Variants in LARGE1 observed in about 807,000 individuals in gnomAD.
The protein encoded by LARGE1 is LARGE xylosyl- and glucuronyltransferase 1.
LARGE1 carries 43 observed loss-of-function variants against 87.6 expected under a neutral mutation model. That is an observed-to-expected ratio of 0.49 (90% CI 0.38 to 0.63). The LOEUF (loss-of-function observed/expected upper bound fraction) is 0.63. Among genes scored for constraint, LARGE1 ranks in the 30% least tolerant of loss-of-function variants. The pLI is 0.00. For synonymous variants in LARGE1, 434 were observed against 394.6 expected, an observed-to-expected ratio of 1.10 and a Z score of -1.18; for missense variants, 802 against 1,000.2, an observed-to-expected ratio of 0.80 and a Z score of 2.67.
intron 2 of LARGE1, among the ~76,000 whole-genome samples, chr22:33,662,995 T>C (rs943133164): frequency 2.0e-5 from 3 of 152,322 alleles, no homozygotes; most frequent in South Asian, 2.1e-4. Flanking sequence ...ATTAAAGTTA[T>C]ATTCCAATTC....
At chr22:33,467,313 G>C (rs2148067697) in intron 6 of LARGE1, among the ~76,000 whole-genome samples, 1 of 152,276 alleles carries the variant, frequency 6.6e-6, no homozygotes, top group South Asian at 2.1e-4. Flanking sequence ...TGGCTGATAA[G>C]GGACCCAGTG....
At chr22:33,124,168 T>C in the LARGE1 span, among the ~76,000 whole-genome samples, 1 of 151,998 alleles carries the variant, frequency 6.6e-6, no homozygotes, top group African/African-American at 2.4e-5. Context: ...GTGCCTGTAA[T>C]ATCAGCTACT....
intron 2 of LARGE1, among the ~76,000 whole-genome samples, chr22:33,716,714 T>G (rs1345145590): frequency 6.6e-6 from 1 of 152,226 alleles, no homozygotes; most frequent in Admixed American, 6.5e-5. Flanking sequence ...CCAAAATATT[T>G]ACTGAGCCTC....
chr22:33,091,115 C>T, the LARGE1 span, among the ~76,000 whole-genome samples: 1 of 152,220 alleles, frequency 6.6e-6, no homozygotes, highest in Admixed American at 6.6e-5. Context: ...TTCTCTTCTG[C>T]AAGCCGATCA....
At position 33,304,319 on chromosome 22, in the gene LARGE1, C is replaced by T. The variant is rs1232298989; in HGVS notation, c.1640G>A (p.Arg547His). The T allele has an allele frequency of 6.2e-7, 1 of 1,614,246 alleles. No individual in the cohort carries two copies. The highest frequency in any genetic ancestry group is 1.7e-5 in the Admixed American group (1 of 60,030). ...GCTGATGTGCTTCATGGCCACGTTG[C>T]GCAGCAGGTTCACGGGGTAGAACTG... ...EGQFYPVNLL[R>H]NVAMKHISTP... The change falls in exon 12 of 15, where the codon CGC becomes CAC. Residue 547 changes from arginine (R) to histidine (H), a missense_variant. Coordinates refer to ENST00000397394, the MANE Select transcript of LARGE1 (RefSeq NM_133642.5).
At chr22:33,185,609 C>T (rs759911564) in intron 11 of LARGE1, among the ~76,000 whole-genome samples, 2 of 152,018 alleles carry the variant, frequency 1.3e-5, no homozygotes, top group Non-Finnish European at 1.5e-5. Flanking sequence ...AATGTACCAC[C>T]GTGGCATGAG....
chr22:33,274,429 A>C lies in LARGE1; in HGVS notation c.2269T>G (p.Ter757GluextTer7). 6.2e-7 allele frequency: 1 copy of C among 1,614,130 alleles called. No homozygotes were observed. The highest frequency in any genetic ancestry group is 8.5e-7 in the Non-Finnish European group (1 of 1,179,992). The change falls in exon 15 of 15, where the codon TAG (stop) becomes GAG (glutamate). Residue 757 changes from the stop codon to glutamate (E), a stop_lost. Coordinates refer to ENST00000397394, the MANE Select transcript of LARGE1 (RefSeq NM_133642.5). ...LKYLTAENNS[*>E] is the part of the protein sequence containing the mutation. Reference sequence around the variant, plus strand: ...CCCTAGTGGTGGGCTTCTTGGTGCTAGCTGTTGTTCTCGGCTGTGAGATAT... The same window carrying C: ...CCCTAGTGGTGGGCTTCTTGGTGCTCGCTGTTGTTCTCGGCTGTGAGATAT...
At chr22:33,801,629 A>G (rs1054010713) in intron 1 of LARGE1, among the ~76,000 whole-genome samples, 4 of 152,066 alleles carry the variant, frequency 2.6e-5, no homozygotes, top group Non-Finnish European at 5.9e-5. Flanking sequence ...ATTTACACAC[A>G]TTTCTCCCAG....
chr22:33,706,489 C>T (rs2082566539), intron 2 of LARGE1, among the ~76,000 whole-genome samples: 1 of 152,144 alleles, frequency 6.6e-6, no homozygotes, highest in Non-Finnish European at 1.5e-5. Context: ...GGTTCAAGTC[C>T]CAACTCGGCC....
chr22:33,437,513 G>A (rs540939300), intron 6 of LARGE1, among the ~76,000 whole-genome samples: 2 of 152,142 alleles, frequency 1.3e-5, no homozygotes, highest in African/African-American at 4.8e-5. Context: ...AAATGATGCT[G>A]TGTTTTGTGC....
At chr22:33,838,564 A>T (rs1436797579) in intron 1 of LARGE1, among the ~76,000 whole-genome samples, 7 of 152,186 alleles carry the variant, frequency 4.6e-5, no homozygotes, top group African/African-American at 1.7e-4. Context: ...ACTTGAGCCC[A>T]AGAGTTTGAG....
chr22:33,400,195 G>T (rs1419370303), intron 7 of LARGE1, among the ~76,000 whole-genome samples: 2 of 152,194 alleles, frequency 1.3e-5, no homozygotes, highest in Non-Finnish European at 2.9e-5. Flanking sequence ...GGCCACTGCA[G>T]TTACAGTAGT....
intron 2 of LARGE1, among the ~76,000 whole-genome samples, chr22:33,659,269 C>A (rs1365895592): frequency 1.3e-5 from 2 of 152,138 alleles, no homozygotes; most frequent in Non-Finnish European, 2.9e-5. Context: ...TTAGAAAATG[C>A]CCTCCTTTTA....
intron 5 of LARGE1, among the ~76,000 whole-genome samples, chr22:33,574,685 ATTGTGTGTGTGTGT>A (rs1432153863): frequency 8.4e-6 from 1 of 119,248 alleles, no homozygotes; most frequent in Non-Finnish European, 1.8e-5. Flanking sequence ...GATATAAACA[ATTGTGTGTGTGTGT>A]GTGTGTGTGT....
intron 7 of LARGE1, among the ~76,000 whole-genome samples, chr22:33,426,875 C>T (rs1034244773): frequency 1.3e-5 from 2 of 152,200 alleles, no homozygotes; most frequent in African/African-American, 4.8e-5. Flanking sequence ...TAGTGTTACA[C>T]CCTTCAACTT....
At chr22:33,429,754 A>T (rs1435087798) in intron 7 of LARGE1, among the ~76,000 whole-genome samples, 3 of 152,114 alleles carry the variant, frequency 2.0e-5, no homozygotes, top group Non-Finnish European at 2.9e-5. Context: ...CTCCACCTCC[A>T]TGAAAGCTTG....
At chr22:33,626,111 A>C in intron 4 of LARGE1, 133 bp downstream of exon 4, 1 of 753,250 alleles carries the variant, frequency 1.3e-6, no homozygotes. Flanking sequence ...TCAGGGTTTC[A>C]GACAAAAATT....
intron 6 of LARGE1, among the ~76,000 whole-genome samples, chr22:33,450,620 T>TA (rs2147911393): frequency 7.8e-6 from 1 of 128,972 alleles, no homozygotes; most frequent in Non-Finnish European, 1.6e-5. Flanking sequence ...AATAAATAAA[T>TA]AAATAAATAA....
rs114537701 is a variant in LARGE1 at position 33,504,655 on chromosome 22, T to C, written c.787+60193A>G. 5.3e-3 allele frequency among the ~76,000 whole-genome samples: 804 copies of C among 152,298 alleles called. 10 individuals carry two copies. The highest frequency in any genetic ancestry group is 0.018 in the African/African-American group (760 of 41,558). On this transcript the variant is annotated intron_variant, in intron 6 of 14. Coordinates refer to ENST00000397394, the MANE Select transcript of LARGE1 (RefSeq NM_133642.5). Reference sequence around the variant, plus strand: ...CTACTCATTACTAAGCCGTGTGAAATAGATCAGATGAATTTCTCTCTCTAA... The same window carrying C: ...CTACTCATTACTAAGCCGTGTGAAACAGATCAGATGAATTTCTCTCTCTAA...
Sources: gnomAD v4.1 joint callset for allele counts (sites outside exome capture counted in the v4.1 genomes callset) on GRCh38, gnomAD v4.1.1 for gene constraint, MANE v1.5 for transcripts, NCBI Gene and HGNC (gene_info 2026-07-23, HGNC 2026-07-21) for gene names.